Variants in FBXO4 observed in about 807,000 individuals in gnomAD.
FBXO4 encodes F-box protein 4.
FBXO4 carries 36 observed loss-of-function variants against 43.7 expected under a neutral mutation model. The ratio of observed to expected loss-of-function variants is 0.82; its 90% confidence interval spans 0.63 to 1.09. The LOEUF is 1.09. Ranked by LOEUF, FBXO4 falls within the 50% of genes least tolerant of loss-of-function variation. The pLI, the probability that FBXO4 is intolerant of heterozygous loss-of-function variation, is 0.00. For missense variants in FBXO4, 435 were observed against 474.1 expected, an observed-to-expected ratio of 0.92 and a Z score of 0.77; for synonymous variants, 180 against 165.6, an observed-to-expected ratio of 1.09 and a Z score of -0.67.
the FBXO4 span, among the ~76,000 whole-genome samples, chr5:41,980,530 A>G: frequency 6.6e-6 from 1 of 152,150 alleles, no homozygotes; most frequent in Admixed American, 6.5e-5. Context: ...GATAAATAAA[A>G]GCATACAGGC....
chr5:42,026,734 T>A, the FBXO4 span, among the ~76,000 whole-genome samples: 1 of 151,678 alleles, frequency 6.6e-6, no homozygotes, highest in East Asian at 1.9e-4. Context: ...GGTATATTCC[T>A]TCTACACCCA....
At chr5:42,002,981 A>G in the FBXO4 span, among the ~76,000 whole-genome samples, 22 of 152,330 alleles carry the variant, frequency 1.4e-4, no homozygotes, top group East Asian at 4.2e-3. Flanking sequence ...GGCACAATAT[A>G]TGTTGGGCAT....
the FBXO4 span, among the ~76,000 whole-genome samples, chr5:42,029,990 A>G: frequency 3.3e-5 from 5 of 152,058 alleles, no homozygotes; most frequent in African/African-American, 1.2e-4. Flanking sequence ...TTCCATGCTC[A>G]TGGGTGGGAA....
the FBXO4 span, among the ~76,000 whole-genome samples, chr5:42,039,908 C>T: frequency 3.9e-5 from 6 of 152,052 alleles, no homozygotes; most frequent in Non-Finnish European, 8.8e-5. Flanking sequence ...TTTCTTCTGG[C>T]TGTGTAGAAG....
chr5:41,957,812 G>C, the FBXO4 span, among the ~76,000 whole-genome samples: 1 of 151,702 alleles, frequency 6.6e-6, no homozygotes, highest in Admixed American at 6.6e-5. Context: ...TTGGAAATTT[G>C]ATATTATATA....
At chr5:42,034,313 T>TGC in the FBXO4 span, among the ~76,000 whole-genome samples, 66 of 152,360 alleles carry the variant, frequency 4.3e-4, no homozygotes, top group African/African-American at 1.5e-3. Flanking sequence ...TTCTGTAGGC[T>TGC]GCCTGTTCAC....
chr5:41,960,843 T>C, the FBXO4 span, among the ~76,000 whole-genome samples: 1 of 152,224 alleles, frequency 6.6e-6, no homozygotes, highest in South Asian at 2.1e-4. Flanking sequence ...TTGAAGTTTA[T>C]GGAATTTCCT....
chr5:41,979,196 T>A, the FBXO4 span, among the ~76,000 whole-genome samples: 2 of 152,202 alleles, frequency 1.3e-5, no homozygotes, highest in Non-Finnish European at 2.9e-5. Flanking sequence ...ATAATACTGT[T>A]GCCATCCAGA....
the FBXO4 span, among the ~76,000 whole-genome samples, chr5:42,013,946 A>ATCATATGC: frequency 1.2e-4 from 18 of 152,312 alleles, no homozygotes; most frequent in East Asian, 3.3e-3. Flanking sequence ...TCCCTGAAAG[A>ATCATATGC]TCATATGCTC....
At chr5:41,994,044 C>T in the FBXO4 span, among the ~76,000 whole-genome samples, 1 of 152,094 alleles carries the variant, frequency 6.6e-6, no homozygotes, top group South Asian at 2.1e-4. Context: ...CAGAATTAAC[C>T]ATCACAAGTC....
chr5:41,993,593 T>C, the FBXO4 span, among the ~76,000 whole-genome samples: 1 of 145,642 alleles, frequency 6.9e-6, no homozygotes. Context: ...TTAGTCAGGG[T>C]TCTCAAGAGA....
chr5:41,939,518 T>C lies in FBXO4; in HGVS notation c.976T>C (p.Leu326=), dbSNP rs1751943015. 1 of 1,613,762 alleles carries C rather than the reference T, an allele frequency of 6.2e-7. No homozygotes were observed. Among genetic ancestry groups the C allele is most frequent in the South Asian group, 1.1e-5 (1 of 91,074 alleles). The change falls in exon 6 of 7, where the codon TTG becomes CTG. Residue 326 remains leucine (L), a synonymous_variant. Coordinates refer to ENST00000281623, the MANE Select transcript of FBXO4 (RefSeq NM_012176.3). ...CTTTGGGTCTTCGGGAAGACCATTG[T>C]TGGTTTTATCTTGTATTTCTCAAGG... ...PAFGSSGRPL[L]VLSCISQGDV... is the part of the protein sequence containing the mutation.
the FBXO4 span, among the ~76,000 whole-genome samples, chr5:41,969,361 A>G: frequency 3.9e-5 from 6 of 152,154 alleles, no homozygotes; most frequent in African/African-American, 1.2e-4. Flanking sequence ...CAAAACACAT[A>G]TCCAGTCTAT....
the FBXO4 span, among the ~76,000 whole-genome samples, chr5:41,970,199 A>G: frequency 6.6e-6 from 1 of 152,100 alleles, no homozygotes; most frequent in Non-Finnish European, 1.5e-5. Flanking sequence ...TTACAGCAGT[A>G]GATATCTGAT....
chr5:42,030,506 A>G, the FBXO4 span, among the ~76,000 whole-genome samples: 118 of 152,196 alleles, frequency 7.8e-4, 1 homozygote, highest in African/African-American at 1.4e-3. Flanking sequence ...TAAAAACCCT[A>G]GAAGAAAACC....
chr5:41,973,115 T>G, the FBXO4 span, among the ~76,000 whole-genome samples: 3 of 152,152 alleles, frequency 2.0e-5, no homozygotes, highest in Non-Finnish European at 4.4e-5. Flanking sequence ...CAAAAGAAAC[T>G]ATCAGCAAAG....
chr5:41,992,117 C>G, the FBXO4 span, among the ~76,000 whole-genome samples: 1 of 152,116 alleles, frequency 6.6e-6, no homozygotes, highest in Non-Finnish European at 1.5e-5. Context: ...CTTCTATTTC[C>G]TCTTAGGAAG....
At chr5:41,952,575 A>G in the FBXO4 span, among the ~76,000 whole-genome samples, 5 of 152,270 alleles carry the variant, frequency 3.3e-5, no homozygotes, top group Non-Finnish European at 5.9e-5. Flanking sequence ...CATCACCTCA[A>G]AAAGGAACTT....
At chr5:41,951,909 C>T in the FBXO4 span, 1 of 274,890 alleles carries the variant, frequency 3.6e-6, no homozygotes, top group Admixed American at 4.1e-5. Flanking sequence ...AGGAGTAGCT[C>T]CAATGGCAGC....
Sources: allele counts gnomAD v4.1 joint callset (sites outside exome capture counted in the v4.1 genomes callset), GRCh38; gene constraint gnomAD v4.1.1; transcripts MANE v1.5; gene names NCBI Gene and HGNC (gene_info 2026-07-23, HGNC 2026-07-21).